Variants in FHIT observed in about 807,000 individuals in gnomAD.
FHIT encodes the protein bis(5'-adenosyl)-triphosphatase.
A neutral mutation model predicts 17.9 loss-of-function variants in FHIT; 19 were observed. The ratio of observed to expected loss-of-function variants is 1.06; its 90% CI spans 0.74 to 1.56. The LOEUF (loss-of-function observed/expected upper bound fraction) is 1.56, where lower values mean the gene tolerates loss of function less well. Ranked by LOEUF, FHIT falls within the 40% of genes most tolerant of loss-of-function variation. The pLI is 0.00. For missense variants in FHIT, 248 were observed against 189.2 expected, an observed-to-expected ratio of 1.31 and a Z score of -1.82; for synonymous variants, 81 against 69.7, an observed-to-expected ratio of 1.16 and a Z score of -0.81.
rs141145528 is a variant in FHIT at position 60,089,444 on chromosome 3, G to T, written c.104-75292C>A. Reference sequence around the variant, plus strand: ...ACAGAGTAGATGAAGCTCAACAAATGTTGGATGAATAAATATGCATATAGT... The same window carrying T: ...ACAGAGTAGATGAAGCTCAACAAATTTTGGATGAATAAATATGCATATAGT... On this transcript the variant is annotated intron_variant, in intron 5 of 9. Coordinates refer to ENST00000492590, the MANE Select transcript of FHIT (RefSeq NM_002012.4). 3.3e-3 allele frequency among the ~76,000 whole-genome samples: 502 copies of T among 152,274 alleles called. 1 individual carries two copies. Among genetic ancestry groups the T allele is most frequent in the African/African-American group, 0.011 (467 of 41,558 alleles).
intron 8 of FHIT, among the ~76,000 whole-genome samples, chr3:59,858,141 A>C (rs1014966732): frequency 2.0e-5 from 3 of 152,090 alleles, no homozygotes; most frequent in South Asian, 4.1e-4. Flanking sequence ...CCCATTCAAC[A>C]TATGTGTGAC....
At chr3:60,463,414 C>T (rs2032593560) in intron 5 of FHIT, among the ~76,000 whole-genome samples, 1 of 152,172 alleles carries the variant, frequency 6.6e-6, no homozygotes, top group African/African-American at 2.4e-5. Flanking sequence ...TCACATAAGG[C>T]TAACCAATGA....
intron 5 of FHIT, among the ~76,000 whole-genome samples, chr3:60,192,022 G>A (rs548415731): frequency 3.9e-5 from 6 of 152,074 alleles, no homozygotes; most frequent in East Asian, 3.9e-4. Context: ...AGACTGAGGC[G>A]GGTGGATTAC....
chr3:61,051,978 T>C (rs1180225352), intron 2 of FHIT, among the ~76,000 whole-genome samples: 1 of 152,184 alleles, frequency 6.6e-6, no homozygotes, highest in Non-Finnish European at 1.5e-5. Flanking sequence ...AGTAAAGATA[T>C]AATCTTTGAG....
At chr3:59,851,719 T>C (rs929729875) in intron 8 of FHIT, among the ~76,000 whole-genome samples, 1 of 152,220 alleles carries the variant, frequency 6.6e-6, no homozygotes, top group African/African-American at 2.4e-5. Context: ...CTATCACAAG[T>C]TGCCATTCCC....
At chr3:60,576,424 A>G (rs2107672244) in intron 4 of FHIT, among the ~76,000 whole-genome samples, 1 of 152,246 alleles carries the variant, frequency 6.6e-6, no homozygotes, top group Non-Finnish European at 1.5e-5. Context: ...GCAAAAGGAA[A>G]GAAATGCAAC....
chr3:61,188,210 G>C (rs2038586343), intron 2 of FHIT, among the ~76,000 whole-genome samples: 1 of 152,084 alleles, frequency 6.6e-6, no homozygotes, highest in Non-Finnish European at 1.5e-5. Flanking sequence ...AGAAAAGAGA[G>C]AAGAATCAAA....
chr3:60,415,774 A>C (rs1321272424), intron 5 of FHIT, among the ~76,000 whole-genome samples: 3 of 150,870 alleles, frequency 2.0e-5, no homozygotes, highest in African/African-American at 7.3e-5. Context: ...TAGCTATGTG[A>C]AAGTGGGTAA....
chr3:59,764,811 T>A (rs1474981056), intron 8 of FHIT, among the ~76,000 whole-genome samples: 3 of 151,524 alleles, frequency 2.0e-5, no homozygotes, highest in South Asian at 2.1e-4. Flanking sequence ...TGCCCTATAA[T>A]TGACCATTCT....
chr3:61,159,306 C>T (rs550076860), intron 2 of FHIT, among the ~76,000 whole-genome samples: 15 of 152,202 alleles, frequency 9.9e-5, no homozygotes, highest in African/African-American at 2.6e-4. Flanking sequence ...GTTAGGTGTG[C>T]GTTTGATACA....
Position 60,861,438 on chromosome 3 carries a change from C to T in FHIT, c.-110-39427G>A, listed in dbSNP as rs1295050384. On this transcript the variant is annotated intron_variant, in intron 3 of 9. Transcript: ENST00000492590. ...GCATTGTAGGGTGTTGAGCAGCATC[C>T]CTGGCCTCTATCCTGCTAGATGCCA... is the stretch of plus-strand genomic sequence containing the variant. 4.0e-5 allele frequency among the ~76,000 whole-genome samples: 6 copies of T among 150,704 alleles called. No individual in the cohort carries two copies. The East Asian group carries it at 9.9e-4, about 25-fold the overall frequency.
intron 2 of FHIT, among the ~76,000 whole-genome samples, chr3:61,149,340 T>C (rs2037317421): frequency 6.6e-6 from 1 of 151,914 alleles, no homozygotes; most frequent in South Asian, 2.1e-4. Context: ...CTATAAATAA[T>C]TTATTATCCA....
At chr3:60,185,619 C>T (rs984031416) in intron 5 of FHIT, among the ~76,000 whole-genome samples, 2 of 152,252 alleles carry the variant, frequency 1.3e-5, no homozygotes, top group Admixed American at 6.5e-5. Flanking sequence ...GTTTTCATAT[C>T]AGTTGGGTAA....
At chr3:60,219,870 T>G (rs1035767838) in intron 5 of FHIT, among the ~76,000 whole-genome samples, 3 of 152,160 alleles carry the variant, frequency 2.0e-5, no homozygotes, top group Admixed American at 6.5e-5. Flanking sequence ...AAAAATTGCA[T>G]AAGATTCAGA....
At chr3:60,260,431 G>A (rs1315028598) in intron 5 of FHIT, among the ~76,000 whole-genome samples, 3 of 151,726 alleles carry the variant, frequency 2.0e-5, no homozygotes, top group Non-Finnish European at 2.9e-5. Flanking sequence ...CCTGCCAGGT[G>A]TAAGCGTTAA....
Position 60,930,686 on chromosome 3 carries a change from A to C in FHIT, c.-110-108675T>G, listed in dbSNP as rs1575709675. Among the ~76,000 whole-genome samples the C allele has an allele frequency of 5.9e-5, 9 of 152,320 alleles. No homozygotes were observed. In the South Asian group the frequency reaches 1.9e-3, roughly 32 times the overall value. On this transcript the variant is annotated intron_variant, in intron 3 of 9. Coordinates refer to ENST00000492590, the MANE Select transcript of FHIT (RefSeq NM_002012.4). ...TGAGATACCATCTCACACCAGTTAG[A>C]ATGGCGATCATTAAAAAGTCAGGAA...
rs1553692328 is a variant in FHIT, at chr3:60,129,049, G to GTTTTTTTTTTTTTTTTTTTTTTTTTT, written c.104-114898_104-114897insAAAAAAAAAAAAAAAAAAAAAAAAAA. Among the ~76,000 whole-genome samples the GTTTTTTTTTTTTTTTTTTTTTTTTTT allele has an allele frequency of 2.5e-5, 3 of 121,042 alleles. 1 individual carries two copies. Among genetic ancestry groups the GTTTTTTTTTTTTTTTTTTTTTTTTTT allele is most frequent in the Non-Finnish European group, 4.9e-5 (3 of 61,742 alleles). The allele number at this position is 121,042 out of a possible 152,430, so 79.4% of individuals were successfully genotyped here. On this transcript the variant is annotated intron_variant, in intron 5 of 9. Transcript: ENST00000492590. Reference sequence around the variant, plus strand: ...TTTCCCTTTTCTTCTTTCCTTTTTTGTTTGTTTTTTTTTTTTTTTTTGAAA... The same window carrying GTTTTTTTTTTTTTTTTTTTTTTTTTT: ...TTTCCCTTTTCTTCTTTCCTTTTTTGTTTTTTTTTTTTTTTTTTTTTTTTTTTTTGTTTTTTTTTTTTTTTTTGAAA...
intron 1 of FHIT, among the ~76,000 whole-genome samples, chr3:61,202,078 A>ACACACACACG (rs1236682126): frequency 3.9e-5 from 6 of 151,956 alleles, no homozygotes; most frequent in African/African-American, 1.5e-4. Flanking sequence ...ACACACACAC[A>ACACACACACG]CACACACACA....
intron 5 of FHIT, among the ~76,000 whole-genome samples, chr3:60,173,482 A>G (rs1701508530): frequency 6.6e-6 from 1 of 152,110 alleles, no homozygotes; most frequent in Admixed American, 6.5e-5. Flanking sequence ...AGTTTATTTC[A>G]GAGAAAAAAA....
Sources: gnomAD v4.1 joint callset for allele counts (sites outside exome capture counted in the v4.1 genomes callset) on GRCh38, gnomAD v4.1.1 for gene constraint, MANE v1.5 for transcripts, NCBI Gene and HGNC (gene_info 2026-07-23, HGNC 2026-07-21) for gene names.